The following LATS1 variants were observed in gnomAD, a reference collection of about 807,000 sequenced individuals.
LATS1 encodes the protein large tumor suppressor kinase 1.
Under a neutral mutation model 106.6 loss-of-function variants are expected in LATS1, and 25 were observed. The ratio of observed to expected loss-of-function variants is 0.23; its 90% CI spans 0.17 to 0.33. The LOEUF (loss-of-function observed/expected upper bound fraction) is 0.33, where lower values mean the gene tolerates loss of function less well. Among genes scored for constraint, LATS1 ranks in the 10% least tolerant of loss-of-function variants. The pLI is 1.00. For synonymous variants in LATS1, 465 were observed against 455.6 expected (o/e 1.02, Z -0.26); for missense variants, 1,040 against 1,382.6 (o/e 0.75, Z 3.93).
In LATS1 at chr6:149,660,281, T is replaced by C. The variant is rs1780838924; in HGVS notation, c.*1448A>G. The C allele has an allele frequency of 4.3e-6, 1 of 232,944 alleles. No individual in the cohort carries two copies. The highest frequency in any genetic ancestry group is 2.2e-5 in the African/African-American group (1 of 45,306). The allele number at this position is 232,944 out of a possible 1,614,324, so 14.4% of individuals were successfully genotyped here. A position where few individuals can be genotyped will look rare whatever the true frequency, so the allele number is the denominator to read the frequency against. On this transcript the variant is annotated 3_prime_UTR_variant, in exon 8 of 8. Coordinates refer to ENST00000543571, the MANE Select transcript of LATS1 (RefSeq NM_004690.4). ...GGCTGAGCTCTGAAAGGACCACCTG[T>C]AGAAAGGTGGGAAGTGTGGGCTAAT...
Position 149,663,812 on chromosome 6 carries a change from ATT to A in LATS1, c.2884-1576_2884-1575del, listed in dbSNP as rs781486645. Among the ~76,000 whole-genome samples the A allele has an allele frequency of 1.6e-3, 227 of 144,372 alleles. 1 individual carries two copies. The highest frequency in any genetic ancestry group is 5.5e-3 in the African/African-American group (216 of 39,612). 94.7% of individuals were successfully genotyped at this position (144,372 alleles called of 152,430 possible). On this transcript the variant is annotated intron_variant, in intron 7 of 7. Transcript: ENST00000543571. ...AAAAATATACACAATGAGATGAACA[ATT>A]TTTTTTTTTTTTTGAAACAGTCTTG...
chr6:149,716,944 T>G (rs1784426621), intron 1 of LATS1, among the ~76,000 whole-genome samples: 1 of 152,204 alleles, frequency 6.6e-6, no homozygotes, highest in Admixed American at 6.5e-5. Flanking sequence ...TATCAGAAAC[T>G]TCTGATAAAC....
chr6:149,691,820 C>T (rs1210491959), intron 3 of LATS1, among the ~76,000 whole-genome samples: 1 of 152,106 alleles, frequency 6.6e-6, no homozygotes, highest in Non-Finnish European at 1.5e-5. Flanking sequence ...TGATCTTTCC[C>T]ACCCAATTCC....
At position 149,718,088 on chromosome 6, in the gene LATS1, C is replaced by T. The variant is rs988691222; in HGVS notation, c.-380G>A. 1.7e-5 allele frequency: 5 copies of T among 297,864 alleles called. No homozygotes were observed. In the Admixed American group the frequency reaches 2.4e-4, roughly 14 times the overall value. The allele number at this position is 297,864 out of a possible 1,614,324, so 18.5% of individuals were successfully genotyped here. Reference sequence around the variant, plus strand: ...TTTGCCTTCCACTCAGTGTCGCCGCCGCCGCACTCCGCTGCAGGTTTCCCG... The same window carrying T: ...TTTGCCTTCCACTCAGTGTCGCCGCTGCCGCACTCCGCTGCAGGTTTCCCG... On this transcript the variant is annotated 5_prime_UTR_variant, in exon 1 of 8. Coordinates refer to ENST00000543571, the MANE Select transcript of LATS1 (RefSeq NM_004690.4).
intron 7 of LATS1, among the ~76,000 whole-genome samples, chr6:149,667,402 G>A (rs980177201): frequency 8.7e-6 from 1 of 115,008 alleles, no homozygotes; most frequent in African/African-American, 3.5e-5. Flanking sequence ...TCATGCCTCC[G>A]CACTCCAGCC....
At chr6:149,680,882 TG>T (rs1364713595) in intron 4 of LATS1, among the ~76,000 whole-genome samples, 2 of 152,088 alleles carry the variant, frequency 1.3e-5, no homozygotes, top group African/African-American at 4.8e-5. Context: ...TTGTCTTTCA[TG>T]AAAAAAAATT....
At chr6:149,700,463 G>C (rs1187763387) in intron 2 of LATS1, among the ~76,000 whole-genome samples, 1 of 152,058 alleles carries the variant, frequency 6.6e-6, no homozygotes, top group Non-Finnish European at 1.5e-5. Flanking sequence ...ACTGAGCAAG[G>C]CTCCGTCTCA....
chr6:149,685,338 G>A (rs576478586), intron 3 of LATS1, among the ~76,000 whole-genome samples: 33 of 152,092 alleles, frequency 2.2e-4, no homozygotes, highest in African/African-American at 6.3e-4. Flanking sequence ...GCCAAAGGGC[G>A]TATCTATTTG....
chr6:149,690,208 T>C (rs889251884), intron 3 of LATS1, among the ~76,000 whole-genome samples: 4 of 138,678 alleles, frequency 2.9e-5, no homozygotes, highest in Non-Finnish European at 6.0e-5. Flanking sequence ...TTCTTTTCTT[T>C]TTTTCTTTTT....
chr6:149,664,766 G>A (rs951889507), intron 7 of LATS1, among the ~76,000 whole-genome samples: 3 of 152,010 alleles, frequency 2.0e-5, no homozygotes, highest in African/African-American at 7.3e-5. Flanking sequence ...TGTTGTCCAC[G>A]CTGGTCTTGA....
chr6:149,661,329 A>G lies in LATS1; in HGVS notation c.*400T>C, dbSNP rs934827730. 3.0e-5 allele frequency: 7 copies of G among 235,168 alleles called. No individual in the cohort carries two copies. Among genetic ancestry groups the G allele is most frequent in the Non-Finnish European group, 5.8e-5 (7 of 119,714 alleles). The allele number at this position is 235,168 out of a possible 1,614,324, so 14.6% of individuals were successfully genotyped here. On this transcript the variant is annotated 3_prime_UTR_variant, in exon 8 of 8. Coordinates refer to ENST00000543571, the MANE Select transcript of LATS1 (RefSeq NM_004690.4). ...CTCTGTAAAATAGGGGGTATGTTTC[A>G]TATTTGGTTAAAGCAAGATAAAACT...
intron 7 of LATS1, among the ~76,000 whole-genome samples, chr6:149,675,231 AAGAG>A (rs1212290091): frequency 6.6e-6 from 1 of 151,474 alleles, no homozygotes; most frequent in Non-Finnish European, 1.5e-5. Context: ...AAAAAAAAAA[AAGAG>A]AGAATGACCA....
intron 7 of LATS1, among the ~76,000 whole-genome samples, chr6:149,665,483 G>A (rs901595252): frequency 2.6e-4 from 39 of 152,238 alleles, no homozygotes; most frequent in African/African-American, 9.1e-4. Context: ...ATGAGATATT[G>A]GCAGAGTTGG....
At chr6:149,693,611 A>AAAAC (rs71554447) in intron 3 of LATS1, among the ~76,000 whole-genome samples, 4,067 of 150,892 alleles carry the variant, frequency 0.027, 61 homozygotes, top group Non-Finnish European at 0.035. Flanking sequence ...CTCCATCTCA[A>AAAAC]AAACAAACAA....
chr6:149,672,179 A>C (rs1415431373), intron 7 of LATS1, among the ~76,000 whole-genome samples: 1 of 149,726 alleles, frequency 6.7e-6, no homozygotes. Flanking sequence ...GGCGTGAGCC[A>C]CCATACCTGG....
intron 4 of LATS1, 84 bp downstream of exon 4, chr6:149,682,995 A>G: frequency 9.1e-7 from 1 of 1,097,512 alleles, no homozygotes; most frequent in East Asian, 2.6e-5. Context: ...AAAAAGAAAG[A>G]AAAATACTGG....
Position 149,661,817 on chromosome 6 carries a change from A to G in LATS1, c.3305T>C (p.Ile1102Thr). 6.2e-7 allele frequency: 1 copy of G among 1,613,020 alleles called. No individual in the cohort carries two copies. The highest frequency in any genetic ancestry group is 8.5e-7 in the Non-Finnish European group (1 of 1,179,682). The change falls in exon 8 of 8, where the codon ATT becomes ACT. Residue 1102 changes from isoleucine (I) to threonine (T), a missense_variant. Physicochemically the swap from Ile to Thr is moderately conservative, Grantham distance 89. Coordinates refer to ENST00000543571, the MANE Select transcript of LATS1 (RefSeq NM_004690.4). ...NYPKPIEYEY[I>T]NSQGSEQQSD... ...CTGCTGCTCTGAGCCTTGTGAATTA[A>G]TGTATTCATATTCAATAGGCTTCGG...
intron 7 of LATS1, among the ~76,000 whole-genome samples, chr6:149,669,246 G>T (rs1781322662): frequency 6.6e-6 from 1 of 151,902 alleles, no homozygotes; most frequent in Non-Finnish European, 1.5e-5. Flanking sequence ...CCATTCTCCT[G>T]CCTCAGCCTC....
chr6:149,682,381 A>G (rs757730230), intron 4 of LATS1, among the ~76,000 whole-genome samples: 58 of 151,896 alleles, frequency 3.8e-4, no homozygotes, highest in Non-Finnish European at 7.4e-4. Flanking sequence ...TTTTATAAGT[A>G]TATCAAGAGA....
Sources: allele counts gnomAD v4.1 joint callset (sites outside exome capture counted in the v4.1 genomes callset), GRCh38; gene constraint gnomAD v4.1.1; transcripts MANE v1.5; gene names NCBI Gene and HGNC (gene_info 2026-07-23, HGNC 2026-07-21).